Variants in BSCL2 observed in about 807,000 individuals in gnomAD.
BSCL2 encodes seipin.
A neutral mutation model predicts 57.4 loss-of-function variants in BSCL2; 41 were observed. The observed-to-expected ratio is 0.71, with a 90% CI of 0.56 to 0.93. The LOEUF (loss-of-function observed/expected upper bound fraction) is 0.93, where lower values mean the gene tolerates loss of function less well. BSCL2 is among the 40% of genes least tolerant of loss of function. The pLI is 0.00. For synonymous variants in BSCL2, 237 were observed against 227.3 expected (o/e 1.04, Z -0.38); for missense variants, 539 against 586.7 (o/e 0.92, Z 0.84).
intron 6 of BSCL2, among the ~76,000 whole-genome samples, chr11:62,692,002 A>G (rs2134693995): frequency 6.6e-6 from 1 of 150,828 alleles, no homozygotes; most frequent in East Asian, 2.0e-4. Flanking sequence ...CAGTGAGCCG[A>G]GGTCGCGCCA....
rs1370817987 is a variant in BSCL2, at chr11:62,690,442, A to G, written c.1314T>C (p.Pro438=). 1 of 1,614,182 alleles carries G rather than the reference A, an allele frequency of 6.2e-7. No homozygotes were observed. Among genetic ancestry groups the G allele is most frequent in the East Asian group, 2.2e-5 (1 of 44,892 alleles). ...CAGAGCTGCCCAGAGTCTCTAGGAC[A>G]GGGGCAGAAGCAGAAGCAGGAGCAG... ...PAPAPASASA[P]VLETLGSSEP... is the part of the protein sequence containing the mutation. The change falls in exon 11 of 11, where the codon CCT becomes CCC. Residue 438 remains proline, a synonymous_variant. Coordinates refer to ENST00000360796, the MANE Select transcript of BSCL2 (RefSeq NM_001122955.4).
At chr11:62,708,046 A>C (rs752723801), upstream of BSCL2, 56 of 536,600 alleles carry the variant, frequency 1.0e-4, no homozygotes, top group Middle Eastern at 5.0e-4. Flanking sequence ...GAAAAGCCTT[A>C]AATCATTTGT....
rs190842600 is a variant in BSCL2, at chr11:62,692,395, C to T, written c.844G>A (p.Ala282Thr). Residue 282 changes from alanine (A) to threonine (T), a missense_variant, in exon 6 of 11, where the codon GCG (alanine) becomes ACG (threonine). Physicochemically the swap from Ala to Thr is moderately conservative, Grantham distance 58 (BLOSUM62 0). Coordinates refer to ENST00000360796, the MANE Select transcript of BSCL2 (RefSeq NM_001122955.4). ...QLYGAYLRIHAHFTGLRYLLY... is the reference protein window; with the variant it reads ...QLYGAYLRIHTHFTGLRYLLY... ...CCTCACCTGAGCCCAGTGAAGTGCG[C>T]GTGGATGCGGAGGTAGGCTCCATAC... The T allele has an allele frequency of 6.3e-5, 102 of 1,614,078 alleles. No individual in the cohort carries two copies. The African/African-American group carries it at 7.6e-4, about 12-fold the overall frequency.
At position 62,702,524 on chromosome 11, in the gene BSCL2, A is replaced by T; in HGVS notation, c.430T>A (p.Ser144Thr). The change falls in exon 3 of 11, where the codon TCA (serine) becomes ACA (threonine). Residue 144 changes from serine (S) to threonine (T), a missense_variant. Physicochemically the swap from Ser to Thr is moderately conservative, Grantham distance 58. Transcript: ENST00000360796. ...TTGGCAACAGGGAAGGAGCAGAGTG[A>T]GGTGGTGGAGGAATCACAGTCGGTC... ...YRTDCDSSTT[S>T]LCSFPVANVS... 6.2e-7 allele frequency: 1 copy of T among 1,612,462 alleles called. No individual in the cohort carries two copies. The highest frequency in any genetic ancestry group is 8.5e-7 in the Non-Finnish European group (1 of 1,178,874).
intron 6 of BSCL2, 67 bp from the exon 7 acceptor site, chr11:62,691,488 C>T: frequency 1.3e-6 from 2 of 1,570,572 alleles, no homozygotes; most frequent in Non-Finnish European, 8.8e-7. Flanking sequence ...TCTCATGTCC[C>T]AGAAATAATT....
At chr11:62,706,555 G>A (rs1433854389) in intron 1 of BSCL2, 14 of 462,616 alleles carry the variant, frequency 3.0e-5, no homozygotes, top group Non-Finnish European at 4.4e-5. Flanking sequence ...GGGATGCGCT[G>A]ACTGCAGCCT....
chr11:62,703,908 G>C (rs1249133137), intron 2 of BSCL2, among the ~76,000 whole-genome samples: 1 of 146,516 alleles, frequency 6.8e-6, no homozygotes, highest in South Asian at 2.2e-4. Context: ...CACGAGGTCA[G>C]GAGTTCGAGA....
At chr11:62,705,684 C>T in intron 1 of BSCL2, 67 bp from the exon 2 acceptor site, 1 of 1,401,068 alleles carries the variant, frequency 7.1e-7, no homozygotes, top group Non-Finnish European at 9.5e-7. Context: ...AAACAGCTTA[C>T]TGGACTGGCT....
intron 1 of BSCL2, 140 bp from the exon 2 acceptor site, chr11:62,705,757 A>C (rs1242911334): frequency 8.2e-6 from 7 of 855,354 alleles, no homozygotes; most frequent in African/African-American, 1.7e-5. Flanking sequence ...CTTTCTCCAA[A>C]TGATTGTGCC....
At position 62,705,589 on chromosome 11, in the gene BSCL2, T is replaced by C. The variant is rs531137749; in HGVS notation, c.116A>G (p.Gln39Arg). ...TGCTCTGCCACCTGGACGCCACCCC[T>C]GGCCATGGGATGCAGCAGCTGGTGG... ...EEPPAAASHGQGWRPGGRAAR... is the reference protein window; with the variant it reads ...EEPPAAASHGRGWRPGGRAAR... The change falls in exon 2 of 11, where the codon CAG becomes CGG. Residue 39 changes from glutamine to arginine, a missense_variant. Coordinates refer to ENST00000360796, the MANE Select transcript of BSCL2 (RefSeq NM_001122955.4). The C allele has an allele frequency of 9.9e-5, 154 of 1,562,892 alleles. 1 individual carries two copies. The South Asian group carries it at 1.7e-3, about 18-fold the overall frequency.
Position 62,690,380 on chromosome 11 carries a change from C to G in BSCL2, c.1376G>C (p.Cys459Ser), listed in dbSNP as rs775890636. The change falls in exon 11 of 11, where the codon TGC becomes TCC. Residue 459 changes from cysteine to serine, a missense_variant. Physicochemically the swap from Cys to Ser is moderately radical, Grantham distance 112 (BLOSUM62 -1). Coordinates refer to ENST00000360796, the MANE Select transcript of BSCL2 (RefSeq NM_001122955.4). ...AGGALRQRPT[C>S]SSS ...TGCCCCTTTTCTTCAGGAACTAGAG[C>G]AGGTGGGGCGCTGTCGGAGAGCACC... 9 of 1,613,908 alleles carry G rather than the reference C, an allele frequency of 5.6e-6. No homozygotes were observed. The highest frequency in any genetic ancestry group is 7.6e-6 in the Non-Finnish European group (9 of 1,180,046).
At chr11:62,698,992 G>T (rs1482220278) in intron 3 of BSCL2, among the ~76,000 whole-genome samples, 1 of 151,924 alleles carries the variant, frequency 6.6e-6, no homozygotes, top group African/African-American at 2.4e-5. Flanking sequence ...TGCAACCTCC[G>T]CCTCCTGGGT....
In BSCL2 at chr11:62,691,390, C is replaced by T. The variant is rs141377075; in HGVS notation, c.895G>A (p.Ala299Thr). 57 of 1,613,988 alleles carry T rather than the reference C, an allele frequency of 3.5e-5. No homozygotes were observed. The highest frequency in any genetic ancestry group is 9.3e-5 in the African/African-American group (7 of 74,904). The change falls in exon 7 of 11, where the codon GCC (alanine) becomes ACC (threonine). Residue 299 changes from alanine to threonine, a missense_variant. Coordinates refer to ENST00000360796, the MANE Select transcript of BSCL2 (RefSeq NM_001122955.4). The stretch of plus-strand genomic sequence containing the variant: ...AAGTTGCTGGCAACACCTATGAAGG[C>T]GCAGGTCATCGGGAAGTTGTATAGC... Reference protein sequence around the residue: ...YLLYNFPMTCAFIGVASNFTF... With the variant: ...YLLYNFPMTCTFIGVASNFTF...
At chr11:62,706,290 A>C (rs529417327) in intron 1 of BSCL2, 2 of 1,109,758 alleles carry the variant, frequency 1.8e-6, no homozygotes, top group South Asian at 2.0e-5. Context: ...CAACCGTGAG[A>C]CGGGACTTCC....
intron 7 of BSCL2, 28 bp from the exon 8 acceptor site, chr11:62,691,169 A>C (rs1361438295): frequency 1.9e-6 from 3 of 1,614,038 alleles, no homozygotes; most frequent in African/African-American, 2.7e-5. Context: ...CTGAGCAGCC[A>C]GGACTGACTT....
upstream of BSCL2, chr11:62,708,731 G>C (rs751342432): frequency 6.2e-7 from 1 of 1,613,956 alleles, no homozygotes; most frequent in African/African-American, 1.3e-5. Flanking sequence ...ACGCCTGTGA[G>C]GATCCCCTCA....
chr11:62,705,669 G>A, intron 1 of BSCL2, 52 bp from the exon 2 acceptor site: 1 of 1,440,844 alleles, frequency 6.9e-7, no homozygotes, highest in Non-Finnish European at 9.2e-7. Context: ...AGGGAGGTGG[G>A]GACAAAACAG....
In BSCL2 at chr11:62,703,842, G is replaced by A. The variant is rs371814804; in HGVS notation, c.405-1293C>T. On this transcript the variant is annotated intron_variant, in intron 2 of 10. Transcript: ENST00000360796. Reference sequence around the variant, plus strand: ...ACTGTTAAGAAAAGAGAACTAGGCCGGGCGCAGTGGCTCATGCTTGTAATC... The same window carrying A: ...ACTGTTAAGAAAAGAGAACTAGGCCAGGCGCAGTGGCTCATGCTTGTAATC... Among the ~76,000 whole-genome samples the A allele has an allele frequency of 1.4e-4, 21 of 151,900 alleles. No individual in the cohort carries two copies. In the East Asian group the frequency reaches 2.7e-3, roughly 20 times the overall value.
intron 3 of BSCL2, among the ~76,000 whole-genome samples, chr11:62,699,635 G>A (rs920357570): frequency 3.3e-5 from 5 of 149,910 alleles, no homozygotes; most frequent in Non-Finnish European, 5.9e-5. Flanking sequence ...GAGCCCAGGA[G>A]TTTGAGACCA....
Sources: allele counts gnomAD v4.1 joint callset (sites outside exome capture counted in the v4.1 genomes callset), GRCh38; gene constraint gnomAD v4.1.1; transcripts MANE v1.5; gene names NCBI Gene and HGNC (gene_info 2026-07-23, HGNC 2026-07-21).